PALLD: variants seen among roughly 807,000 people sequenced by gnomAD.
PALLD encodes the protein palladin, cytoskeletal associated protein, also known as palladin.
Under a neutral mutation model 123.5 loss-of-function variants are expected in PALLD, and 61 were observed. The ratio of observed to expected loss-of-function variants is 0.49; its 90% CI spans 0.40 to 0.61. The LOEUF (loss-of-function observed/expected upper bound fraction) is 0.61. Among genes scored for constraint, PALLD ranks in the 20% least tolerant of loss-of-function variants. The probability of loss-of-function intolerance (pLI) is 0.00; values close to 1 mark genes in which losing one functional copy is unlikely to be tolerated. For missense variants in PALLD, 1,273 were observed against 1,377.0 expected (o/e 0.92, Z 1.20); for synonymous variants, 465 against 496.4 (o/e 0.94, Z 0.84).
intron 2 of PALLD, 145 bp downstream of exon 2, chr4:168,512,557 C>A: frequency 1.3e-6 from 1 of 786,378 alleles, no homozygotes; most frequent in Non-Finnish European, 2.2e-6. Context: ...CCCAGAATCG[C>A]CACTATGAGT....
At position 168,921,605 on chromosome 4, in the gene PALLD, C is replaced by T. The variant is rs1445122482; in HGVS notation, c.2922C>T (p.His974=). 1.2e-6 allele frequency: 2 copies of T among 1,610,592 alleles called. No homozygotes were observed. The highest frequency in any genetic ancestry group is 1.7e-6 in the Non-Finnish European group (2 of 1,179,554). ...DGKPVRPDSA[H]KMLVRENGVH... ...AGCCCGTACGCCCTGACAGTGCTCACAAGATGCTGGTGCGTGAGAACGGGG... is the reference window on the plus strand; with the variant it reads ...AGCCCGTACGCCCTGACAGTGCTCATAAGATGCTGGTGCGTGAGAACGGGG... The change falls in exon 18 of 22, where the codon CAC becomes CAT. Residue 974 remains histidine, a synonymous_variant. Transcript: ENST00000505667.
intron 2 of PALLD, among the ~76,000 whole-genome samples, chr4:168,538,547 A>G (rs543739114): frequency 5.5e-4 from 83 of 152,270 alleles, no homozygotes; most frequent in African/African-American, 2.0e-3. Context: ...AAATGACCTT[A>G]TGATTCAGTT....
chr4:168,768,542 A>G (rs1733985577), intron 10 of PALLD, among the ~76,000 whole-genome samples: 1 of 152,256 alleles, frequency 6.6e-6, no homozygotes, highest in Non-Finnish European at 1.5e-5. Flanking sequence ...GCATGACTAT[A>G]TGCATATGAT....
chr4:168,920,343 G>A (rs761655396), intron 17 of PALLD, among the ~76,000 whole-genome samples: 1 of 152,232 alleles, frequency 6.6e-6, no homozygotes, highest in Non-Finnish European at 1.5e-5. Flanking sequence ...TGCTACATGT[G>A]TGGTGGGAGG....
intron 10 of PALLD, among the ~76,000 whole-genome samples, chr4:168,765,807 C>G (rs1733586846): frequency 1.3e-5 from 2 of 152,164 alleles, no homozygotes; most frequent in Non-Finnish European, 2.9e-5. Context: ...CAATTCAGCC[C>G]TTTACCTCTG....
chr4:168,901,084 AT>A (rs1295246191), intron 14 of PALLD, among the ~76,000 whole-genome samples: 3 of 152,176 alleles, frequency 2.0e-5, no homozygotes, highest in African/African-American at 7.2e-5. Flanking sequence ...TAAACTTTTC[AT>A]TGTTAAATGT....
At chr4:168,733,399 G>T (rs963383602) in intron 10 of PALLD, among the ~76,000 whole-genome samples, 1 of 152,070 alleles carries the variant, frequency 6.6e-6, no homozygotes, top group Non-Finnish European at 1.5e-5. Flanking sequence ...AAGTAGACAA[G>T]TTCTAAATCT....
intron 10 of PALLD, among the ~76,000 whole-genome samples, chr4:168,764,273 A>C (rs1733352497): frequency 6.6e-6 from 1 of 152,176 alleles, no homozygotes; most frequent in Non-Finnish European, 1.5e-5. Context: ...ATAATTTAAT[A>C]CAGGACCAAT....
intron 10 of PALLD, among the ~76,000 whole-genome samples, chr4:168,779,406 A>G (rs1730881819): frequency 6.6e-6 from 1 of 152,072 alleles, no homozygotes; most frequent in African/African-American, 2.4e-5. Context: ...GCTGGGGAGA[A>G]AACATTCCTA....
intron 2 of PALLD, among the ~76,000 whole-genome samples, chr4:168,625,366 AT>A (rs1283588518): frequency 1.3e-5 from 2 of 151,936 alleles, no homozygotes; most frequent in Non-Finnish European, 2.9e-5. Context: ...AGAAGCAAAA[AT>A]AGGCAAATGG....
At chr4:168,684,683 A>G (rs1216194992) in intron 5 of PALLD, among the ~76,000 whole-genome samples, 2 of 152,146 alleles carry the variant, frequency 1.3e-5, no homozygotes, top group Non-Finnish European at 2.9e-5. Flanking sequence ...TGAAACCCAG[A>G]CCTCTTGAAT....
intron 10 of PALLD, among the ~76,000 whole-genome samples, chr4:168,883,531 A>C (rs1351407719): frequency 6.6e-6 from 1 of 152,154 alleles, no homozygotes; most frequent in Non-Finnish European, 1.5e-5. Flanking sequence ...TGGAAATTTG[A>C]GTTTCTGAAA....
chr4:168,921,444 TGAA>T, intron 17 of PALLD, 87 bp from the exon 18 acceptor site: 1 of 744,802 alleles, frequency 1.3e-6, no homozygotes, highest in Non-Finnish European at 2.3e-6. Flanking sequence ...CTTGTACTAC[TGAA>T]GGAGGAATTT....
chr4:168,668,401 G>C (rs1779859373), intron 3 of PALLD, 33 bp downstream of exon 3: 3 of 1,558,284 alleles, frequency 1.9e-6, no homozygotes, highest in Non-Finnish European at 1.7e-6. Context: ...GGGGGATAAA[G>C]GGGTGTCAAT....
At chr4:168,639,832 C>CA (rs1776759946) in intron 2 of PALLD, among the ~76,000 whole-genome samples, 1 of 152,236 alleles carries the variant, frequency 6.6e-6, no homozygotes, top group Non-Finnish European at 1.5e-5. Context: ...GCGTGAGCCA[C>CA]CGTGCCCGGC....
At chr4:168,749,326 G>A (rs1187148678) in intron 10 of PALLD, among the ~76,000 whole-genome samples, 1 of 151,928 alleles carries the variant, frequency 6.6e-6, no homozygotes, top group Non-Finnish European at 1.5e-5. Flanking sequence ...CCAGTCTCAG[G>A]TAGTCCTTTA....
chr4:168,863,164 C>T (rs1412384470), intron 10 of PALLD, among the ~76,000 whole-genome samples: 1 of 152,150 alleles, frequency 6.6e-6, no homozygotes, highest in Non-Finnish European at 1.5e-5. Context: ...GATCCTCTCA[C>T]CCTACTCAAG....
At chr4:168,846,286 C>T (rs745872273) in intron 10 of PALLD, among the ~76,000 whole-genome samples, 2 of 152,136 alleles carry the variant, frequency 1.3e-5, no homozygotes, top group East Asian at 1.9e-4. Flanking sequence ...CCTTTTATAA[C>T]GTGGACAACT....
At chr4:168,913,710 A>G (rs1214268497) in intron 15 of PALLD, among the ~76,000 whole-genome samples, 1 of 152,048 alleles carries the variant, frequency 6.6e-6, no homozygotes, top group Non-Finnish European at 1.5e-5. Flanking sequence ...CCAAAAAAAG[A>G]CCTTGTCACC....
Sources: gnomAD v4.1 joint callset for allele counts (sites outside exome capture counted in the v4.1 genomes callset) on GRCh38, gnomAD v4.1.1 for gene constraint, MANE v1.5 for transcripts, NCBI Gene and HGNC (gene_info 2026-07-23, HGNC 2026-07-21) for gene names.